Variants in CPE observed in about 807,000 individuals in gnomAD.
The protein encoded by CPE is carboxypeptidase E.
Under a neutral mutation model 53.5 loss-of-function variants are expected in CPE, and 17 were observed. That is an observed-to-expected ratio of 0.32 (90% CI 0.22 to 0.48). The LOEUF is 0.48. CPE is among the 20% of genes least tolerant of loss of function. CPE has a pLI of 0.99. For missense variants in CPE, 524 were observed against 614.7 expected, an observed-to-expected ratio of 0.85 and a Z score of 1.56; for synonymous variants, 226 against 228.8, an observed-to-expected ratio of 0.99 and a Z score of 0.11.
intron 1 of CPE, among the ~76,000 whole-genome samples, chr4:165,454,627 C>T (rs911909398): frequency 6.6e-6 from 1 of 152,176 alleles, no homozygotes; most frequent in African/African-American, 2.4e-5. Context: ...ATTACTTTTA[C>T]TCATTGTCTA....
intron 1 of CPE, among the ~76,000 whole-genome samples, chr4:165,434,829 A>C (rs979188580): frequency 3.9e-5 from 6 of 152,112 alleles, no homozygotes; most frequent in Non-Finnish European, 8.8e-5. Flanking sequence ...TTAGTGTTGG[A>C]GATGGGGCCT....
chr4:165,400,886 TG>T (rs61415510), intron 1 of CPE, among the ~76,000 whole-genome samples: 3,993 of 152,322 alleles, frequency 0.026, 181 homozygotes, highest in African/African-American at 0.09. Flanking sequence ...GGTGACCTTA[TG>T]TCTTTGTTTC....
chr4:165,484,311 T>A, intron 4 of CPE, 111 bp from the exon 5 acceptor site: 1 of 1,021,482 alleles, frequency 9.8e-7, no homozygotes, highest in Non-Finnish European at 1.4e-6. Context: ...GTTATGTAGC[T>A]AAAAAAATAC....
intron 1 of CPE, among the ~76,000 whole-genome samples, chr4:165,453,015 C>T (rs1731837802): frequency 6.6e-6 from 1 of 151,982 alleles, no homozygotes; most frequent in Non-Finnish European, 1.5e-5. Flanking sequence ...CTCACTCTGT[C>T]GCCCAGGCTG....
At chr4:165,416,740 G>A (rs1449066196) in intron 1 of CPE, among the ~76,000 whole-genome samples, 1 of 151,812 alleles carries the variant, frequency 6.6e-6, no homozygotes, top group Non-Finnish European at 1.5e-5. Flanking sequence ...TAGTGCGGTG[G>A]CCCCACATAT....
At position 165,379,134 on chromosome 4, in the gene CPE, G is replaced by C; in HGVS notation, c.-88G>C. 1 of 1,139,068 alleles carries C rather than the reference G, an allele frequency of 8.8e-7. No homozygotes were observed. Among genetic ancestry groups the C allele is most frequent in the Non-Finnish European group, 1.1e-6 (1 of 913,156 alleles). 70.6% of individuals were successfully genotyped at this position (1,139,068 alleles called of 1,614,324 possible). ...GCTGGTGCGGAACTTGCCGCCCCCA[G>C]CAGCGCCGGCGGGCTAAGCCCAGGG... On this transcript the variant is annotated 5_prime_UTR_variant, in exon 1 of 9. Coordinates refer to ENST00000402744, the MANE Select transcript of CPE (RefSeq NM_001873.4). This position sits in a 1 kb window ranked among gnomAD's most constrained non-coding sequence, Gnocchi z 6.0.
At chr4:165,442,469 A>C (rs1462137029) in intron 1 of CPE, among the ~76,000 whole-genome samples, 2 of 152,210 alleles carry the variant, frequency 1.3e-5, no homozygotes, top group East Asian at 1.9e-4. Context: ...AATAAACTCA[A>C]CATACAGGAA....
At chr4:165,438,185 A>G (rs1731543410) in intron 1 of CPE, among the ~76,000 whole-genome samples, 1 of 152,156 alleles carries the variant, frequency 6.6e-6, no homozygotes, top group Admixed American at 6.6e-5. Flanking sequence ...CAGACAGTTT[A>G]GGAGACTATT....
intron 1 of CPE, among the ~76,000 whole-genome samples, chr4:165,461,011 A>C (rs1488914012): frequency 6.6e-6 from 1 of 151,040 alleles, no homozygotes; most frequent in Non-Finnish European, 1.5e-5. Context: ...TCATCTCTAC[A>C]AAAAAATTAG....
chr4:165,462,974 G>T (rs1460753717), intron 1 of CPE, among the ~76,000 whole-genome samples: 2 of 152,188 alleles, frequency 1.3e-5, no homozygotes, highest in Non-Finnish European at 2.9e-5. Flanking sequence ...CCAAGAACCA[G>T]CAGTCTTAGT....
intron 1 of CPE, among the ~76,000 whole-genome samples, chr4:165,382,886 T>C (rs897957637): frequency 6.6e-6 from 1 of 152,228 alleles, no homozygotes; most frequent in African/African-American, 2.4e-5. Context: ...CATTTTGAAT[T>C]GGTCATTGAG....
At chr4:165,466,502 T>C (rs1000607266) in intron 2 of CPE, among the ~76,000 whole-genome samples, 1 of 152,090 alleles carries the variant, frequency 6.6e-6, no homozygotes, top group Non-Finnish European at 1.5e-5. Flanking sequence ...AGTAATAAAT[T>C]AAACTTACCT....
chr4:165,431,380 C>T lies in CPE; in HGVS notation c.308-33010C>T, dbSNP rs147976447. On this transcript the variant is annotated intron_variant, in intron 1 of 8. Transcript: ENST00000402744. ...AAGGCGAAAGGACCGGCAGAACTGA[C>T]GTCCTTTTGTACATGAGAGGAAAGG... Among the ~76,000 whole-genome samples, 628 of 152,278 alleles carry T rather than the reference C, an allele frequency of 4.1e-3. 4 individuals carry two copies. Among genetic ancestry groups the T allele is most frequent in the African/African-American group, 0.014 (584 of 41,562 alleles).
At chr4:165,493,349 GTTC>G (rs1368670285) in intron 7 of CPE, 79 bp downstream of exon 7, 3 of 1,024,280 alleles carry the variant, frequency 2.9e-6, no homozygotes, top group Non-Finnish European at 3.0e-6. Context: ...TAAGTCTTAT[GTTC>G]TTCTAAGCAA....
At chr4:165,407,851 C>T (rs1374710834) in intron 1 of CPE, among the ~76,000 whole-genome samples, 4 of 148,514 alleles carry the variant, frequency 2.7e-5, no homozygotes, top group Admixed American at 1.4e-4. Context: ...CCACCGCGCC[C>T]GACCCAACTT....
intron 1 of CPE, among the ~76,000 whole-genome samples, chr4:165,385,471 T>C (rs1189911297): frequency 1.9e-5 from 2 of 105,058 alleles, no homozygotes; most frequent in African/African-American, 8.9e-5. Flanking sequence ...TGAGATGGGG[T>C]CTTGCTGTGT....
intron 1 of CPE, among the ~76,000 whole-genome samples, chr4:165,433,914 T>C (rs1305093891): frequency 6.6e-6 from 1 of 152,300 alleles, no homozygotes; most frequent in South Asian, 2.1e-4. Flanking sequence ...ATTTTGTACC[T>C]GTTCTTTGGC....
At chr4:165,455,891 A>G (rs1731893173) in intron 1 of CPE, among the ~76,000 whole-genome samples, 1 of 152,060 alleles carries the variant, frequency 6.6e-6, no homozygotes, top group Non-Finnish European at 1.5e-5. Flanking sequence ...GACCTCAGGT[A>G]ATCCGCCTGC....
chr4:165,439,698 G>T (rs888004782), intron 1 of CPE, among the ~76,000 whole-genome samples: 1 of 151,806 alleles, frequency 6.6e-6, no homozygotes, highest in Non-Finnish European at 1.5e-5. Flanking sequence ...TCTAATCAAA[G>T]AATTATATTG....
Sources: allele counts gnomAD v4.1 joint callset (sites outside exome capture counted in the v4.1 genomes callset), GRCh38; gene constraint gnomAD v4.1.1; non-coding constraint Gnocchi (gnomAD v3.1); transcripts MANE v1.5; gene names NCBI Gene and HGNC (gene_info 2026-07-23, HGNC 2026-07-21).